C2CD4D: variants seen among roughly 807,000 people sequenced by gnomAD.
C2CD4D encodes C2 calcium-dependent domain-containing protein 4D.
C2CD4D carries 1 observed loss-of-function variant against 0.2 expected under a neutral mutation model. The observed-to-expected ratio is 4.00, with a 90% CI of 1.42 to 18.99. The LOEUF (loss-of-function observed/expected upper bound fraction) is 18.99. Among genes scored for constraint, C2CD4D ranks in the 30% most tolerant of loss-of-function variants. C2CD4D has a pLI of 0.11. For synonymous variants in C2CD4D, 269 were observed against 279.8 expected (o/e 0.96, Z 0.39); for missense variants, 552 against 551.2 (o/e 1.00, Z -0.01).
At chr1:151,838,037 C>T (rs1163627394) in exon 2 of C2CD4D, 1 of 1,551,520 alleles carries the variant, frequency 6.4e-7, no homozygotes, top group East Asian at 2.4e-5. Flanking sequence ...CAGCACATCC[C>T]TGCGAAGTCC....
At position 151,838,442 on chromosome 1, in the gene C2CD4D, G is replaced by T; in HGVS notation, c.548C>A (p.Ser183Ter). 7.1e-7 allele frequency: 1 copy of T among 1,415,126 alleles called. No individual in the cohort carries two copies. The highest frequency in any genetic ancestry group is 9.2e-7 in the Non-Finnish European group (1 of 1,087,722). 87.7% of individuals were successfully genotyped at this position (1,415,126 alleles called of 1,614,324 possible). A position where few individuals can be genotyped will look rare whatever the true frequency, so the allele number is the denominator to read the frequency against. ...CGTGGGCGGCCCGGCGCGGCGCGGCGAGTGCGGGCTGGTATCGGCCGAGCT... is the reference window on the plus strand; with the variant it reads ...CGTGGGCGGCCCGGCGCGGCGCGGCTAGTGCGGGCTGGTATCGGCCGAGCT... Residue 183 changes from serine (S) to a stop codon, truncating the protein, a stop_gained, in exon 2 of 2, where the codon TCG (serine) becomes TAG (stop). Transcript: ENST00000454109. LOFTEE classifies it low-confidence loss of function (END_TRUNC).
intron 1 of C2CD4D, chr1:151,840,161 T>C (rs1427711221): frequency 6.6e-6 from 1 of 152,300 alleles, no homozygotes; most frequent in Non-Finnish European, 1.5e-5. Flanking sequence ...GCGCAGTCCT[T>C]ATGGGAGGAG....
At chr1:151,838,843 C>A in exon 2 of C2CD4D, 1 of 1,504,696 alleles carries the variant, frequency 6.6e-7, no homozygotes, top group Non-Finnish European at 8.9e-7. Context: ...TGAAGAACTG[C>A]GGGATGCGAT....
chr1:151,838,184 C>T, exon 2 of C2CD4D: 9 of 1,549,648 alleles, frequency 5.8e-6, no homozygotes, highest in South Asian at 3.6e-5. Flanking sequence ...CTCCCGCGGC[C>T]GGACGCGGGG....
chr1:151,837,845 A>G, exon 2 of C2CD4D: 1 of 1,439,306 alleles, frequency 6.9e-7, no homozygotes, highest in Non-Finnish European at 9.2e-7. Flanking sequence ...TTTATTAGCA[A>G]AAATAAATAC....
At chr1:151,838,125 C>G (rs1652632745) in exon 2 of C2CD4D, 4 of 1,551,330 alleles carry the variant, frequency 2.6e-6, no homozygotes, top group Non-Finnish European at 3.5e-6. Flanking sequence ...AAAAAGAAAT[C>G]CTCGTTGAAG....
exon 2 of C2CD4D, chr1:151,838,961 T>G (rs2101688927): frequency 6.5e-7 from 1 of 1,550,178 alleles, no homozygotes; most frequent in East Asian, 2.4e-5. Flanking sequence ...GGCCCCCACC[T>G]TATAGCCAGC....
chr1:151,838,813 G>A lies in C2CD4D; in HGVS notation c.177C>T (p.Asp59=), dbSNP rs1652677520. ...GGGCCGCGGGCACTGCGCCGCCCGG[G>A]TCCGGGAGCCGAGGCGGGATGAAGA... is the stretch of plus-strand genomic sequence containing the variant. Residue 59 remains aspartate (D), a synonymous_variant, in exon 2 of 2, where the codon GAC becomes GAT. Coordinates refer to ENST00000454109, the Ensembl canonical transcript of C2CD4D. The A allele has an allele frequency of 4.9e-6, 7 of 1,426,686 alleles. No individual in the cohort carries two copies. The South Asian group carries it at 1.0e-4, about 21-fold the overall frequency. The allele number at this position is 1,426,686 out of a possible 1,614,324, so 88.4% of individuals were successfully genotyped here.
chr1:151,838,627 C>T, exon 2 of C2CD4D: 3 of 1,318,582 alleles, frequency 2.3e-6, no homozygotes, highest in South Asian at 4.3e-5. Flanking sequence ...GCCGGGACTG[C>T]GCCGCGGGGA....
intron 1 of C2CD4D, 28 bp from the exon 2 acceptor site, chr1:151,839,248 CCAGT>C (rs1348060547): frequency 1.9e-6 from 1 of 516,054 alleles, no homozygotes; most frequent in Admixed American, 3.7e-5. Flanking sequence ...GAGCAAAGGG[CCAGT>C]CAGTCACATT....
chr1:151,838,279 G>GCGCAGC lies in C2CD4D; in HGVS notation c.705_710dup (p.Arg237_Leu238dup), dbSNP rs1340714531. ...GGGGCAGGCCCTCGGCGCTCACTAGGCGCAGCCGCAGCCGCCCGGGCCCGG... is the reference window on the plus strand; with the variant it reads ...GGGGCAGGCCCTCGGCGCTCACTAGGCGCAGCCGCAGCCGCAGCCGCCCGGGCCCGG... On this transcript the variant is annotated inframe_insertion, in exon 2 of 2. Coordinates refer to ENST00000454109, the Ensembl canonical transcript of C2CD4D. 3 of 1,321,230 alleles carry GCGCAGC rather than the reference G, an allele frequency of 2.3e-6. No individual in the cohort carries two copies. In the South Asian group the frequency reaches 7.0e-5, roughly 31 times the overall value. The allele number at this position is 1,321,230 out of a possible 1,614,324, so 81.8% of individuals were successfully genotyped here. A position where few individuals can be genotyped will look rare whatever the true frequency, so the allele number is the denominator to read the frequency against.
chr1:151,839,354 T>G, intron 1 of C2CD4D, 134 bp from the exon 2 acceptor site: 2 of 270,482 alleles, frequency 7.4e-6, no homozygotes, highest in Non-Finnish European at 1.4e-5. Flanking sequence ...GCCCATATAG[T>G]ATCCACCAGA....
At chr1:151,838,546 C>T in exon 2 of C2CD4D, 1 of 1,323,076 alleles carries the variant, frequency 7.6e-7, no homozygotes, top group Non-Finnish European at 9.6e-7. Flanking sequence ...CGAAGGGCGA[C>T]GAGTCCGGCG....
exon 2 of C2CD4D, chr1:151,838,892 C>T: frequency 6.5e-7 from 1 of 1,546,276 alleles, no homozygotes; most frequent in Non-Finnish European, 8.7e-7. Flanking sequence ...TGTGGGCGGG[C>T]CCGGGGCGCG....
At chr1:151,838,693 G>A in exon 2 of C2CD4D, 1 of 1,375,302 alleles carries the variant, frequency 7.3e-7, no homozygotes, top group Non-Finnish European at 9.4e-7. Context: ...GCCGGCGCGT[G>A]TGCGGGCTCT....
At chr1:151,837,981 C>T (rs973746277) in exon 2 of C2CD4D, 1 of 1,549,502 alleles carries the variant, frequency 6.5e-7, no homozygotes, top group African/African-American at 1.4e-5. Context: ...AGTCCCCCAC[C>T]CAGCGGGGGC....
exon 2 of C2CD4D, chr1:151,837,860 C>T (rs111836753): frequency 9.8e-6 from 14 of 1,434,668 alleles, no homozygotes; most frequent in African/African-American, 5.8e-5. Context: ...AAATACAAGC[C>T]GGGCAGGGTG....
intron 1 of C2CD4D, among the ~76,000 whole-genome samples, chr1:151,840,046 C>T (rs557450889): frequency 5.3e-4 from 80 of 152,342 alleles, no homozygotes; most frequent in Non-Finnish European, 9.4e-4. Flanking sequence ...CCGTCGCGCG[C>T]CCGGAGTGCT....
intron 1 of C2CD4D, among the ~76,000 whole-genome samples, chr1:151,839,778 C>A (rs995498687): frequency 2.0e-5 from 3 of 152,230 alleles, no homozygotes; most frequent in African/African-American, 7.2e-5. Context: ...TAGCCCTGAC[C>A]GTCCAGCTCC....
Sources: gnomAD v4.1 joint callset for allele counts (sites outside exome capture counted in the v4.1 genomes callset) on GRCh38, gnomAD v4.1.1 for gene constraint, MANE v1.5 for transcripts, NCBI Gene and HGNC (gene_info 2026-07-23, HGNC 2026-07-21) for gene names.